Variants in MAD1L1 observed in about 807,000 individuals in gnomAD.
MAD1L1 encodes mitotic spindle assembly checkpoint protein MAD1.
MAD1L1 carries 95 observed loss-of-function variants against 96.9 expected under a neutral mutation model. The observed-to-expected ratio is 0.98, with a 90% CI of 0.83 to 1.16. The LOEUF (loss-of-function observed/expected upper bound fraction) is 1.16, where lower values mean the gene tolerates loss of function less well. MAD1L1 is among the 50% of genes most tolerant of loss of function. The pLI, the probability that MAD1L1 is intolerant of heterozygous loss-of-function variation, is 0.00. For missense variants in MAD1L1, 1,007 were observed against 954.4 expected (o/e 1.06, Z -0.73); for synonymous variants, 473 against 396.6 (o/e 1.19, Z -2.29).
At chr7:2,151,783 A>AC (rs558576863) in intron 10 of MAD1L1, among the ~76,000 whole-genome samples, 331 of 152,322 alleles carry the variant, frequency 2.2e-3, no homozygotes, top group Admixed American at 5.9e-3. Flanking sequence ...CTGAAAAGTG[A>AC]CAGTGACAGA....
chr7:1,856,749 G>A (rs747312094), intron 18 of MAD1L1, among the ~76,000 whole-genome samples: 17 of 152,128 alleles, frequency 1.1e-4, no homozygotes, highest in Admixed American at 1.0e-3. Flanking sequence ...CAGGGCCCAC[G>A]CGCACCCCGC....
At chr7:2,038,415 A>G (rs1205989032) in intron 12 of MAD1L1, among the ~76,000 whole-genome samples, 1 of 149,944 alleles carries the variant, frequency 6.7e-6, no homozygotes, top group Non-Finnish European at 1.5e-5. Context: ...TAGGGCTTTT[A>G]CAGTTACAGA....
At chr7:1,857,977 C>T (rs1221767679) in intron 18 of MAD1L1, among the ~76,000 whole-genome samples, 5 of 152,224 alleles carry the variant, frequency 3.3e-5, no homozygotes, top group South Asian at 4.1e-4. Context: ...CTGTGGCCCA[C>T]GCTGGCAACC....
intron 15 of MAD1L1, among the ~76,000 whole-genome samples, chr7:1,976,903 C>A (rs1780669793): frequency 6.6e-6 from 1 of 152,190 alleles, no homozygotes; most frequent in Non-Finnish European, 1.5e-5. Flanking sequence ...TCCAAGTCCC[C>A]ACCAGATTAC....
chr7:2,005,853 C>T (rs554280463), intron 13 of MAD1L1, among the ~76,000 whole-genome samples: 7 of 152,254 alleles, frequency 4.6e-5, no homozygotes, highest in African/African-American at 1.4e-4. Context: ...CGTTTGTAAC[C>T]GGCTGCATCT....
At chr7:2,122,930 C>G (rs1032005891) in intron 11 of MAD1L1, among the ~76,000 whole-genome samples, 1 of 152,228 alleles carries the variant, frequency 6.6e-6, no homozygotes, top group South Asian at 2.1e-4. Flanking sequence ...CACCGTCTGC[C>G]CATCCTGCCC....
At chr7:2,109,432 G>A (rs1047019547) in intron 11 of MAD1L1, 7 of 152,234 alleles carry the variant, frequency 4.6e-5, no homozygotes, top group Non-Finnish European at 1.0e-4. Context: ...ACACTCAAGA[G>A]TGGGGCCCCA....
At chr7:2,026,348 G>T (rs1441421219) in intron 12 of MAD1L1, among the ~76,000 whole-genome samples, 3 of 152,076 alleles carry the variant, frequency 2.0e-5, no homozygotes, top group African/African-American at 7.2e-5. Flanking sequence ...AGAAGAAATA[G>T]ACAAAACTCA....
At chr7:1,906,740 G>A (rs759440670) in intron 17 of MAD1L1, among the ~76,000 whole-genome samples, 14 of 152,218 alleles carry the variant, frequency 9.2e-5, no homozygotes, top group Non-Finnish European at 1.3e-4. Flanking sequence ...ATGGAAGTGC[G>A]CGACGGGTGC....
At chr7:2,227,391 A>T (rs904210461) in intron 3 of MAD1L1, among the ~76,000 whole-genome samples, 2 of 152,216 alleles carry the variant, frequency 1.3e-5, no homozygotes, top group African/African-American at 4.8e-5. Flanking sequence ...GGTGGTTCCC[A>T]GTGGGGTCCA....
intron 5 of MAD1L1, chr7:2,221,153 C>T: frequency 1.2e-6 from 1 of 816,422 alleles, no homozygotes; most frequent in South Asian, 1.7e-5. Context: ...TCACTATGCC[C>T]CACCCCACCG....
intron 10 of MAD1L1, among the ~76,000 whole-genome samples, chr7:2,171,497 C>T (rs1639902): frequency 5.2e-5 from 7 of 135,814 alleles, no homozygotes; most frequent in South Asian, 2.1e-4. Flanking sequence ...GGACAGCAGC[C>T]GGAGGGTGGA....
chr7:1,972,555 T>C (rs1339445092), intron 15 of MAD1L1, among the ~76,000 whole-genome samples: 2 of 152,160 alleles, frequency 1.3e-5, no homozygotes, highest in East Asian at 1.9e-4. Context: ...ATTTTGGTGG[T>C]GTCTTTTTAT....
intron 12 of MAD1L1, among the ~76,000 whole-genome samples, chr7:2,063,504 T>C (rs1784751829): frequency 6.6e-6 from 1 of 152,232 alleles, no homozygotes; most frequent in Non-Finnish European, 1.5e-5. Flanking sequence ...AAGTGGAAGC[T>C]GCCCAAGCTG....
At chr7:2,063,633 G>GA (rs1162570830) in intron 12 of MAD1L1, among the ~76,000 whole-genome samples, 1 of 152,206 alleles carries the variant, frequency 6.6e-6, no homozygotes, top group Non-Finnish European at 1.5e-5. Context: ...CAGGAGAGAT[G>GA]AAAATAACCT....
At chr7:2,202,564 A>G (rs1384563402) in intron 10 of MAD1L1, among the ~76,000 whole-genome samples, 1 of 152,232 alleles carries the variant, frequency 6.6e-6, no homozygotes, top group African/African-American at 2.4e-5. Flanking sequence ...TCCGGCATGC[A>G]GGCCCAGAAG....
At chr7:2,034,401 G>C (rs1431068653) in intron 12 of MAD1L1, among the ~76,000 whole-genome samples, 1 of 152,012 alleles carries the variant, frequency 6.6e-6, no homozygotes, top group Non-Finnish European at 1.5e-5. Flanking sequence ...TATTTTAGTA[G>C]AGACGGGGTT....
chr7:2,056,710 A>AACC (rs1365981213), intron 12 of MAD1L1, among the ~76,000 whole-genome samples: 5 of 152,168 alleles, frequency 3.3e-5, no homozygotes, highest in African/African-American at 1.2e-4. Context: ...TCAACACTAG[A>AACC]ACCAGGACAA....
chr7:1,845,735 G>C (rs753673109), intron 18 of MAD1L1: 23 of 152,356 alleles, frequency 1.5e-4, no homozygotes, highest in Non-Finnish European at 3.2e-4. Flanking sequence ...ACGCAGACAC[G>C]CGTCGGGTTC....
Sources: allele counts gnomAD v4.1 joint callset (sites outside exome capture counted in the v4.1 genomes callset), GRCh38; gene constraint gnomAD v4.1.1; transcripts MANE v1.5; gene names NCBI Gene and HGNC (gene_info 2026-07-23, HGNC 2026-07-21).